The following HDAC9 variants were observed in gnomAD, a reference collection of about 807,000 sequenced individuals.
HDAC9 encodes the protein histone deacetylase 9, also known as MEF-2 interacting transcription repressor (MITR) protein.
In HDAC9, 41 loss-of-function variants were observed where a neutral mutation model predicts 139.4. That is an observed-to-expected ratio of 0.29 (90% CI 0.23 to 0.38). The LOEUF is 0.38. HDAC9 is among the 10% of genes least tolerant of loss of function. The pLI, the probability that HDAC9 is intolerant of heterozygous loss-of-function variation, is 1.00. For synonymous variants in HDAC9, 517 were observed against 476.2 expected (o/e 1.09, Z -1.12); for missense variants, 1,147 against 1,297.0 (o/e 0.88, Z 1.78).
intron 1 of HDAC9, among the ~76,000 whole-genome samples, chr7:18,467,157 C>T (rs2128116142): frequency 6.6e-6 from 1 of 152,290 alleles, no homozygotes; most frequent in African/African-American, 2.4e-5. Flanking sequence ...CCGTCTTCTT[C>T]CCTACTCACA....
At chr7:18,173,607 T>C (rs906313656) in intron 2 of HDAC9, among the ~76,000 whole-genome samples, 1 of 152,206 alleles carries the variant, frequency 6.6e-6, no homozygotes, top group African/African-American at 2.4e-5. Context: ...TTCCTTTCCG[T>C]GTTTAGTGCT....
intron 3 of HDAC9, among the ~76,000 whole-genome samples, chr7:18,587,914 T>A (rs1829911420): frequency 6.6e-6 from 1 of 152,218 alleles, no homozygotes; most frequent in Non-Finnish European, 1.5e-5. Context: ...ACATTGGGGC[T>A]TTGGGTGAAG....
chr7:18,659,564 T>C (rs930698515), intron 11 of HDAC9, among the ~76,000 whole-genome samples: 2 of 152,232 alleles, frequency 1.3e-5, no homozygotes, highest in African/African-American at 4.8e-5. Flanking sequence ...AAACTCAGAA[T>C]GGTCATAGGC....
rs183565698 is a variant in HDAC9, at chr7:18,221,118, T to G, written c.25+58769T>G. ...TGCATTTCTATTCCTTTTTTTTTTT[T>G]TGTGACGGAGTTTCACTCTTTTTGC... On this transcript the variant is annotated intron_variant, in intron 2 of 12. Coordinates refer to the HDAC9 transcript ENST00000417496. 2.5e-3 allele frequency among the ~76,000 whole-genome samples: 386 copies of G among 151,954 alleles called. 8 individuals are homozygous for G. The East Asian group carries it at 0.051, about 20-fold the overall frequency.
At chr7:18,206,737 A>AT (rs1712270190) in intron 2 of HDAC9, among the ~76,000 whole-genome samples, 1 of 152,068 alleles carries the variant, frequency 6.6e-6, no homozygotes, top group African/African-American at 2.4e-5. Flanking sequence ...TAAAAAATTC[A>AT]CTTTTTGGAG....
chr7:18,770,923 G>C (rs576599142), intron 16 of HDAC9, among the ~76,000 whole-genome samples: 2 of 152,256 alleles, frequency 1.3e-5, no homozygotes, highest in African/African-American at 4.8e-5. Flanking sequence ...ATAAGTTTGG[G>C]TTTCATGCTC....
intron 15 of HDAC9, among the ~76,000 whole-genome samples, chr7:18,764,222 A>C (rs1033369705): frequency 4.6e-5 from 7 of 152,180 alleles, no homozygotes; most frequent in Admixed American, 3.3e-4. Context: ...TCAATGTTTA[A>C]AATTTTAATC....
intron 1 of HDAC9, among the ~76,000 whole-genome samples, chr7:18,452,906 A>G (rs982224505): frequency 1.3e-5 from 2 of 152,190 alleles, no homozygotes; most frequent in Non-Finnish European, 2.9e-5. Flanking sequence ...TATTAGAAAC[A>G]TTAGAACAGA....
At chr7:18,099,911 G>A (rs1376589802) in intron 1 of HDAC9, among the ~76,000 whole-genome samples, 1 of 152,108 alleles carries the variant, frequency 6.6e-6, no homozygotes, top group Non-Finnish European at 1.5e-5. Context: ...TACTCGAGTA[G>A]TTACCATTTC....
intron 1 of HDAC9, among the ~76,000 whole-genome samples, chr7:18,385,056 C>G (rs1785791747): frequency 6.6e-6 from 1 of 152,086 alleles, no homozygotes; most frequent in South Asian, 2.1e-4. Flanking sequence ...TCCTGGCCCA[C>G]CAATGTGTAA....
chr7:18,617,115 A>G (rs1212357955), intron 6 of HDAC9, among the ~76,000 whole-genome samples: 2 of 152,028 alleles, frequency 1.3e-5, no homozygotes, highest in Admixed American at 6.6e-5. Flanking sequence ...CCCCTTTCTT[A>G]TCGTGCCTAC....
At chr7:18,527,366 A>G (rs1461103877) in intron 2 of HDAC9, among the ~76,000 whole-genome samples, 2 of 152,118 alleles carry the variant, frequency 1.3e-5, no homozygotes, top group African/African-American at 4.8e-5. Context: ...TCCTTTTGCT[A>G]TATGGACTAT....
intron 3 of HDAC9, 120 bp from the exon 4 acceptor site, chr7:18,590,216 G>T: frequency 9.9e-7 from 1 of 1,007,694 alleles, no homozygotes; most frequent in Non-Finnish European, 1.4e-6. Flanking sequence ...AGAAAAAGTG[G>T]GTACAAATAT....
At chr7:18,485,165 A>G (rs1213606242) in intron 1 of HDAC9, among the ~76,000 whole-genome samples, 1 of 152,198 alleles carries the variant, frequency 6.6e-6, no homozygotes, top group Non-Finnish European at 1.5e-5. Context: ...GAATTAAATG[A>G]CAAACACAGG....
chr7:18,458,000 A>G (rs891518501), intron 1 of HDAC9, among the ~76,000 whole-genome samples: 13 of 152,154 alleles, frequency 8.5e-5, no homozygotes, highest in Non-Finnish European at 1.9e-4. Flanking sequence ...GTGTATGGCC[A>G]TACACGCCTC....
intron 16 of HDAC9, among the ~76,000 whole-genome samples, chr7:18,785,794 CTT>C (rs2129173897): frequency 6.6e-6 from 1 of 152,050 alleles, no homozygotes; most frequent in South Asian, 2.1e-4. Flanking sequence ...TTTCTCAGTT[CTT>C]TTTCTACCTT....
At chr7:18,610,450 A>G (rs1836797951) in intron 6 of HDAC9, among the ~76,000 whole-genome samples, 1 of 152,008 alleles carries the variant, frequency 6.6e-6, no homozygotes, top group South Asian at 2.1e-4. Context: ...TTTAACAACG[A>G]TAGCAAAAAC....
At chr7:18,677,441 A>G (rs1269364917) in intron 12 of HDAC9, among the ~76,000 whole-genome samples, 1 of 151,944 alleles carries the variant, frequency 6.6e-6, no homozygotes, top group African/African-American at 2.4e-5. Flanking sequence ...TGAAACTACC[A>G]TGAATATCTT....
At chr7:18,610,864 T>C (rs1836919901) in intron 6 of HDAC9, among the ~76,000 whole-genome samples, 1 of 152,216 alleles carries the variant, frequency 6.6e-6, no homozygotes, top group South Asian at 2.1e-4. Flanking sequence ...GCTATTCCCA[T>C]GTACACATTG....
Sources: gnomAD v4.1 joint callset for allele counts (sites outside exome capture counted in the v4.1 genomes callset) on GRCh38, gnomAD v4.1.1 for gene constraint, MANE v1.5 for transcripts, NCBI Gene and HGNC (gene_info 2026-07-23, HGNC 2026-07-21) for gene names.